The following SARS1 variants were observed in gnomAD, a reference collection of about 807,000 sequenced individuals.
SARS1 encodes the protein serine--tRNA ligase, cytoplasmic.
In SARS1, 25 loss-of-function variants were observed where a neutral mutation model predicts 63.7. That is an observed-to-expected ratio of 0.39 (90% CI 0.29 to 0.55). The LOEUF (loss-of-function observed/expected upper bound fraction) is 0.55. Among genes scored for constraint, SARS1 ranks in the 20% least tolerant of loss-of-function variants. The probability of loss-of-function intolerance (pLI) is 0.62; values close to 1 mark genes in which losing one functional copy is unlikely to be tolerated. For synonymous variants in SARS1, 231 were observed against 243.5 expected (o/e 0.95, Z 0.48); for missense variants, 417 against 649.7 (o/e 0.64, Z 3.89).
intron 1 of SARS1, among the ~76,000 whole-genome samples, chr1:109,219,935 A>G (rs1326728563): frequency 1.3e-5 from 2 of 152,242 alleles, no homozygotes; most frequent in African/African-American, 4.8e-5. Context: ...CAATTCTACT[A>G]GCATATTTAC....
intron 6 of SARS1, among the ~76,000 whole-genome samples, chr1:109,233,252 C>T (rs79214132): frequency 0.02 from 2,968 of 152,158 alleles, 87 homozygotes; most frequent in African/African-American, 0.068. Flanking sequence ...CTCAAACAAT[C>T]CATCCGCCTC....
At position 109,235,935 on chromosome 1, in the gene SARS1, C is replaced by T. The variant is rs377666403; in HGVS notation, c.970-42C>T. ...GTCTCCCACTTCAGTCCTTTATTCA[C>T]CCTATACCGCTGTCACCGTTTCCTT... On this transcript the variant is annotated intron_variant, in intron 7 of 10. Coordinates refer to ENST00000234677, the MANE Select transcript of SARS1 (RefSeq NM_006513.4). This position sits in a 1 kb window ranked among gnomAD's most constrained non-coding sequence, Gnocchi z 4.7. 13 of 1,561,714 alleles carry T rather than the reference C, an allele frequency of 8.3e-6. No homozygotes were observed. The African/African-American group carries it at 1.4e-4, about 16-fold the overall frequency.
Position 109,238,047 on chromosome 1 carries a change from G to A in SARS1, c.*159G>A, listed in dbSNP as rs545342548. The A allele has an allele frequency of 6.6e-6, 5 of 753,568 alleles. No individual in the cohort carries two copies. Among genetic ancestry groups the A allele is most frequent in the Non-Finnish European group, 1.1e-5 (5 of 461,000 alleles). 46.7% of individuals were successfully genotyped at this position (753,568 alleles called of 1,614,324 possible). A position where few individuals can be genotyped will look rare whatever the true frequency, so the allele number is the denominator to read the frequency against. The stretch of plus-strand genomic sequence containing the variant: ...TGCCATGTACCACACAGATGTTCCT[G>A]TCTCCTCGCATGGGCATAGGGACCC... On this transcript the variant is annotated 3_prime_UTR_variant, in exon 11 of 11. Coordinates refer to ENST00000234677, the MANE Select transcript of SARS1 (RefSeq NM_006513.4).
chr1:109,226,697 T>TATAC (rs1183766306), intron 2 of SARS1, among the ~76,000 whole-genome samples: 12 of 104,150 alleles, frequency 1.2e-4, no homozygotes, highest in African/African-American at 4.2e-4. Context: ...TATATATATA[T>TATAC]ACACACACAC....
At chr1:109,236,167 A>C (rs147500098) in intron 8 of SARS1, 61 bp downstream of exon 8, 1 of 1,559,192 alleles carries the variant, frequency 6.4e-7, no homozygotes, top group East Asian at 2.2e-5. Context: ...CACCCTTACC[A>C]GCTGAGCTGC....
At chr1:109,231,070 T>A (rs761484140) in intron 5 of SARS1, 49 bp downstream of exon 5, 13 of 648,752 alleles carry the variant, frequency 2.0e-5, no homozygotes, top group South Asian at 1.3e-4. Context: ...AGAAACAAAA[T>A]ATATATATAT....
chr1:109,222,702 A>G (rs1654976670), intron 1 of SARS1, among the ~76,000 whole-genome samples: 2 of 152,096 alleles, frequency 1.3e-5, no homozygotes, highest in South Asian at 2.1e-4. Flanking sequence ...CTAGTCATCA[A>G]TTTTGCCTCT....
At chr1:109,224,551 C>T (rs1193605898) in intron 2 of SARS1, among the ~76,000 whole-genome samples, 1 of 151,708 alleles carries the variant, frequency 6.6e-6, no homozygotes, top group Non-Finnish European at 1.5e-5. Context: ...AAACGCCAAG[C>T]AATGGTTATG....
At chr1:109,232,134 AT>A (rs1325584797) in intron 6 of SARS1, among the ~76,000 whole-genome samples, 4 of 152,140 alleles carry the variant, frequency 2.6e-5, no homozygotes, top group African/African-American at 9.7e-5. Context: ...ACAAAAGGAA[AT>A]TACAGTGGTG....
At chr1:109,221,949 A>T (rs1654936300) in intron 1 of SARS1, among the ~76,000 whole-genome samples, 1 of 117,078 alleles carries the variant, frequency 8.5e-6, no homozygotes, top group South Asian at 2.9e-4. Context: ...CACCATGCTC[A>T]GCTAATTTTT....
At chr1:109,224,493 A>AACACTC (rs1339135861) in intron 2 of SARS1, among the ~76,000 whole-genome samples, 3 of 152,178 alleles carry the variant, frequency 2.0e-5, no homozygotes, top group African/African-American at 7.2e-5. Flanking sequence ...TGACAATACT[A>AACACTC]ACACTCACCT....
At chr1:109,221,816 GTTTCT>G (rs1178391438) in intron 1 of SARS1, among the ~76,000 whole-genome samples, 1 of 150,898 alleles carries the variant, frequency 6.6e-6, no homozygotes, top group African/African-American at 2.4e-5. Flanking sequence ...TTTTCTTTTT[GTTTCT>G]TTTCTTTTTC....
intron 1 of SARS1, among the ~76,000 whole-genome samples, chr1:109,221,957 T>G (rs1654937172): frequency 8.0e-5 from 1 of 12,546 alleles, no homozygotes. Flanking sequence ...TCAGCTAATT[T>G]TTTTGTGTGT....
chr1:109,236,391 G>A lies in SARS1; in HGVS notation c.1100G>A (p.Gly367Asp). Residue 367 changes from glycine (G) to aspartate (D), a missense_variant and splice_region_variant, in exon 9 of 11, where the codon GGT becomes GAT. By Grantham distance (94) the Gly-to-Asp change is moderately conservative. Around this residue, in one of 3 missense-constraint regions of SARS1, gnomAD observed 359 missense variants for 529.6 expected, o/e 0.68. Coordinates refer to ENST00000234677, the MANE Select transcript of SARS1 (RefSeq NM_006513.4). ...IPYHIVNIVS[G>D]SLNHAASKKL... ...GAATTCTAGGGGTTTTTCCTTACAG[G>A]TTCTTTGAATCATGCTGCCAGTAAG... 6.3e-7 allele frequency: 1 copy of A among 1,589,548 alleles called. No individual in the cohort carries two copies. The highest frequency in any genetic ancestry group is 8.6e-7 in the Non-Finnish European group (1 of 1,161,102).
At chr1:109,218,252 A>G (rs2101182456) in intron 1 of SARS1, among the ~76,000 whole-genome samples, 1 of 149,602 alleles carries the variant, frequency 6.7e-6, no homozygotes, top group East Asian at 2.0e-4. Flanking sequence ...CTGTAATCCC[A>G]GCTACTTGGG....
rs1359688272 is a variant in SARS1 at position 109,214,225 on chromosome 1, C to T, written c.136+97C>T. 4 of 1,407,122 alleles carry T rather than the reference C, an allele frequency of 2.8e-6. No homozygotes were observed. The highest frequency in any genetic ancestry group is 1.4e-5 in the South Asian group (1 of 72,724). 87.2% of individuals were successfully genotyped at this position (1,407,122 alleles called of 1,614,324 possible). On this transcript the variant is annotated intron_variant, in intron 1 of 10. Transcript: ENST00000234677. This position sits in a 1 kb window ranked among gnomAD's most constrained non-coding sequence, Gnocchi z 4.6. ...TCCTGAGGCCACAGCTTCCACCCTTCGTCAGACCCCCTCCCAGGGTGCGGT... is the reference window on the plus strand; with the variant it reads ...TCCTGAGGCCACAGCTTCCACCCTTTGTCAGACCCCCTCCCAGGGTGCGGT...
intron 1 of SARS1, chr1:109,216,160 T>C: frequency 1.0e-6 from 1 of 985,462 alleles, no homozygotes; most frequent in African/African-American, 1.7e-5. Context: ...TTCTTTGACA[T>C]CTTGAACTTC....
At chr1:109,224,122 A>C (rs945297651) in intron 2 of SARS1, 74 bp downstream of exon 2, 1 of 1,099,420 alleles carries the variant, frequency 9.1e-7, no homozygotes, top group African/African-American at 1.5e-5. Context: ...GCTAATGTTC[A>C]CAGAAGTTCT....
intron 1 of SARS1, among the ~76,000 whole-genome samples, chr1:109,221,990 A>G (rs1390622581): frequency 9.0e-3 from 57 of 6,356 alleles, no homozygotes; most frequent in African/African-American, 0.024. Flanking sequence ...ATATATATAT[A>G]TATATATATA....
Sources: gnomAD v4.1 joint callset for allele counts (sites outside exome capture counted in the v4.1 genomes callset) on GRCh38, gnomAD v4.1.1 for gene constraint, gnomAD v4.1.1 regional missense constraint, Gnocchi (gnomAD v3.1) non-coding constraint, MANE v1.5 for transcripts, NCBI Gene and HGNC (gene_info 2026-07-23, HGNC 2026-07-21) for gene names.